The following CTNNA2 variants were observed in gnomAD, a reference collection of about 807,000 sequenced individuals.
CTNNA2 encodes the protein catenin alpha-2.
In CTNNA2, 42 loss-of-function variants were observed where a neutral mutation model predicts 101.0. That is an observed-to-expected ratio of 0.42 (90% CI 0.32 to 0.54). The LOEUF is 0.54. Ranked by LOEUF, CTNNA2 falls within the 20% of genes least tolerant of loss-of-function variation. CTNNA2 has a pLI of 0.14. For missense variants in CTNNA2, 871 were observed against 1,223.1 expected (o/e 0.71, Z 4.29); for synonymous variants, 450 against 456.4 (o/e 0.99, Z 0.18).
At chr2:79,313,086 T>A (rs560419832) in intron 3 of CTNNA2, among the ~76,000 whole-genome samples, 10 of 152,314 alleles carry the variant, frequency 6.6e-5, no homozygotes, top group African/African-American at 2.2e-4. Flanking sequence ...TCAATGACTT[T>A]GATTAATCTG....
At chr2:79,218,388 G>A (rs1184966965) in intron 2 of CTNNA2, among the ~76,000 whole-genome samples, 2 of 144,150 alleles carry the variant, frequency 1.4e-5, no homozygotes, top group African/African-American at 5.2e-5. Context: ...TTGCTACATT[G>A]CCCAGGCTGG....
At chr2:79,713,671 C>T (rs1347401088) in intron 2 of CTNNA2, among the ~76,000 whole-genome samples, 1 of 151,950 alleles carries the variant, frequency 6.6e-6, no homozygotes, top group Admixed American at 6.6e-5. Context: ...CACTTGGGCA[C>T]CAATAGAAAG....
intron 2 of CTNNA2, among the ~76,000 whole-genome samples, chr2:79,714,255 A>T (rs766588082): frequency 2.6e-5 from 4 of 152,012 alleles, no homozygotes; most frequent in Non-Finnish European, 5.9e-5. Flanking sequence ...TTAATACTAC[A>T]GTACTGAACA....
At chr2:79,456,443 A>G (rs1250082390) in intron 4 of CTNNA2, among the ~76,000 whole-genome samples, 1 of 152,190 alleles carries the variant, frequency 6.6e-6, no homozygotes, top group Non-Finnish European at 1.5e-5. Flanking sequence ...TATTAAATAC[A>G]ATTCCAAATC....
chr2:80,400,059 A>G (rs1573948475), intron 8 of CTNNA2, among the ~76,000 whole-genome samples: 1 of 152,200 alleles, frequency 6.6e-6, no homozygotes, highest in Non-Finnish European at 1.5e-5. Context: ...TGTGTGGTGC[A>G]TCTACCATTA....
At chr2:79,410,690 G>T (rs1281783656) in intron 4 of CTNNA2, among the ~76,000 whole-genome samples, 1 of 149,518 alleles carries the variant, frequency 6.7e-6, no homozygotes, top group African/African-American at 2.5e-5. Context: ...TGAGCTGCTG[G>T]ATTCGGTTTG....
intron 4 of CTNNA2, among the ~76,000 whole-genome samples, chr2:79,384,433 T>A (rs987333711): frequency 2.9e-4 from 29 of 99,454 alleles, no homozygotes; most frequent in Middle Eastern, 4.9e-3. Flanking sequence ...TCTCTCTCTC[T>A]CACTTTATTC....
At chr2:80,567,711 A>C (rs977502321) in intron 12 of CTNNA2, among the ~76,000 whole-genome samples, 1 of 152,074 alleles carries the variant, frequency 6.6e-6, no homozygotes, top group Non-Finnish European at 1.5e-5. Flanking sequence ...TCTGGCTCCA[A>C]TTACTCTGAT....
chr2:79,466,967 C>T (rs1161640247), intron 4 of CTNNA2, among the ~76,000 whole-genome samples: 4 of 152,142 alleles, frequency 2.6e-5, no homozygotes, highest in Non-Finnish European at 4.4e-5. Flanking sequence ...AAAATCAGAG[C>T]GCCTCTCCCC....
chr2:79,787,893 C>G (rs970284623), intron 3 of CTNNA2, among the ~76,000 whole-genome samples: 3 of 151,910 alleles, frequency 2.0e-5, no homozygotes, highest in African/African-American at 2.4e-5. Context: ...ATGCACGGTG[C>G]CTTTTGCTAT....
intron 2 of CTNNA2, among the ~76,000 whole-genome samples, chr2:79,690,309 C>T (rs539228167): frequency 1.3e-5 from 2 of 152,068 alleles, no homozygotes; most frequent in East Asian, 3.9e-4. Context: ...CTGAAAATAA[C>T]TGATATTCTA....
chr2:79,921,112 G>C (rs1686622201), intron 7 of CTNNA2, among the ~76,000 whole-genome samples: 1 of 152,152 alleles, frequency 6.6e-6, no homozygotes, highest in Admixed American at 6.5e-5. Context: ...TTTGAAAGTA[G>C]GTACTGTGTT....
intron 9 of CTNNA2, among the ~76,000 whole-genome samples, chr2:80,515,072 C>T (rs541455642): frequency 6.6e-6 from 1 of 151,956 alleles, no homozygotes; most frequent in South Asian, 2.1e-4. Flanking sequence ...TTGCAGCACA[C>T]ATTCTTAGGG....
intron 7 of CTNNA2, among the ~76,000 whole-genome samples, chr2:80,066,743 C>A (rs747755642): frequency 6.6e-6 from 1 of 152,130 alleles, no homozygotes; most frequent in Non-Finnish European, 1.5e-5. Flanking sequence ...AGCTGTATAT[C>A]CAAAGTAAAT....
chr2:79,397,263 A>C (rs1417272273), intron 4 of CTNNA2, among the ~76,000 whole-genome samples: 1 of 152,160 alleles, frequency 6.6e-6, no homozygotes, highest in Non-Finnish European at 1.5e-5. Context: ...ATATACAAAA[A>C]ATTATCATTA....
chr2:80,107,144 A>G (rs1051066420), intron 7 of CTNNA2, among the ~76,000 whole-genome samples: 2 of 152,174 alleles, frequency 1.3e-5, no homozygotes, highest in South Asian at 4.1e-4. Flanking sequence ...CCAGCCGTAA[A>G]GCGTGAAACC....
At chr2:80,560,499 G>A (rs901698846) in intron 12 of CTNNA2, among the ~76,000 whole-genome samples, 2 of 152,158 alleles carry the variant, frequency 1.3e-5, no homozygotes, top group Admixed American at 6.5e-5. Flanking sequence ...GGTATTAATT[G>A]CGTAATATAT....
intron 7 of CTNNA2, among the ~76,000 whole-genome samples, chr2:80,111,163 C>T (rs1479093178): frequency 6.6e-6 from 1 of 152,180 alleles, no homozygotes; most frequent in Non-Finnish European, 1.5e-5. Context: ...CCGGTTCCCT[C>T]CTGCAACATG....
At chr2:79,414,705 G>C (rs1310856996) in intron 4 of CTNNA2, among the ~76,000 whole-genome samples, 1 of 151,936 alleles carries the variant, frequency 6.6e-6, no homozygotes, top group Non-Finnish European at 1.5e-5. Flanking sequence ...TCATCCTCTT[G>C]AACCCCTATA....
Sources: allele counts gnomAD v4.1 joint callset (sites outside exome capture counted in the v4.1 genomes callset), GRCh38; gene constraint gnomAD v4.1.1; transcripts MANE v1.5; gene names NCBI Gene and HGNC (gene_info 2026-07-23, HGNC 2026-07-21).